Variants in STK11 observed in about 807,000 individuals in gnomAD.
The protein encoded by STK11 is serine/threonine kinase 11, also known as serine/threonine-protein kinase STK11.
STK11 carries 8 observed loss-of-function variants against 47.3 expected under a neutral mutation model. The observed-to-expected ratio is 0.17, with a 90% confidence interval of 0.10 to 0.31. STK11 has a LOEUF of 0.31. STK11 is among the 10% of genes least tolerant of loss of function. The pLI, the probability that STK11 is intolerant of heterozygous loss-of-function variation, is 1.00. For synonymous variants in STK11, 330 were observed against 255.8 expected (o/e 1.29, Z -2.77); for missense variants, 475 against 605.0 (o/e 0.79, Z 2.25).
intron 1 of STK11, chr19:1,216,132 T>G (rs913936915): frequency 6.4e-6 from 1 of 155,940 alleles, no homozygotes; most frequent in African/African-American, 2.4e-5. Context: ...TACAACTCAT[T>G]CGTTCACAGT....
intron 1 of STK11, among the ~76,000 whole-genome samples, chr19:1,213,585 C>T (rs1000284683): frequency 2.0e-5 from 3 of 152,240 alleles, no homozygotes; most frequent in Admixed American, 6.5e-5. Context: ...GCATCCGCGC[C>T]GTGGCCTGGG....
At chr19:1,217,606 G>A (rs1298055103) in intron 1 of STK11, among the ~76,000 whole-genome samples, 3 of 152,192 alleles carry the variant, frequency 2.0e-5, no homozygotes, top group Non-Finnish European at 4.4e-5. Context: ...TGACAGGCGG[G>A]TGGGTGTGGC....
At chr19:1,221,842 T>A in intron 6 of STK11, 107 bp from the exon 7 acceptor site, 1 of 1,348,868 alleles carries the variant, frequency 7.4e-7, no homozygotes, top group Non-Finnish European at 1.0e-6. Flanking sequence ...CTTAGGAGCG[T>A]CCAGGTATCA....
rs973142127 is a variant in STK11 at position 1,218,397 on chromosome 19, C to A, written c.291-20C>A. The A allele has an allele frequency of 6.2e-7, 1 of 1,609,166 alleles. No individual in the cohort carries two copies. Among genetic ancestry groups the A allele is most frequent in the Non-Finnish European group, 8.5e-7 (1 of 1,175,828 alleles). On this transcript the variant is annotated intron_variant, in intron 1 of 9. Transcript: ENST00000326873. ...CCTGACGTTGGGTCGGCTGATACAC[C>A]CCTGTCCTCTCTGTCCCAGGGAAAT...
intron 1 of STK11, chr19:1,216,191 C>T (rs1164364443): frequency 6.2e-6 from 1 of 161,502 alleles, no homozygotes; most frequent in East Asian, 1.4e-4. Context: ...GCAACCACTA[C>T]TTCTAATTCC....
intron 5 of STK11, 112 bp downstream of exon 5, chr19:1,220,829 C>G (rs912490580): frequency 5.5e-6 from 8 of 1,456,442 alleles, no homozygotes; most frequent in Middle Eastern, 5.2e-4. Context: ...CCCAGACCCT[C>G]TCTGGCCACA....
In STK11 at chr19:1,220,360, G is replaced by A. The variant is rs1165060649; in HGVS notation, c.465-13G>A. ...GAGGCCTCGGCCCCAGGACGGGTGT[G>A]TGCTGCCCGCAGGTACTTCTGTCAG... On this transcript the variant is annotated splice_polypyrimidine_tract_variant and intron_variant, in intron 3 of 9. Transcript: ENST00000326873. 1 of 1,594,620 alleles carries A rather than the reference G, an allele frequency of 6.3e-7. No homozygotes were observed. Among genetic ancestry groups the A allele is most frequent in the East Asian group, 2.3e-5 (1 of 44,114 alleles).
In STK11 at chr19:1,206,800, T is replaced by C. The variant is rs1467320355; in HGVS notation, c.-114T>C. Reference sequence around the variant, plus strand: ...TTCCTTTTGGGGTTTTTGTTGCCTTTTTTTTTTCTTTTTTCTTTGTAAAAT... The same window carrying C: ...TTCCTTTTGGGGTTTTTGTTGCCTTCTTTTTTTCTTTTTTCTTTGTAAAAT... On this transcript the variant is annotated 5_prime_UTR_variant, in exon 1 of 10. Transcript: ENST00000326873. The C allele has an allele frequency of 2.2e-6, 3 of 1,356,972 alleles. No homozygotes were observed. Among genetic ancestry groups the C allele is most frequent in the African/African-American group, 1.5e-5 (1 of 68,108 alleles). The allele number at this position is 1,356,972 out of a possible 1,614,324, so 84.1% of individuals were successfully genotyped here.
rs1185729369 is a variant in STK11, at chr19:1,226,606, A to C, written c.1261A>C (p.Ser421Arg). Residue 421 changes from serine to arginine, a missense_variant, in exon 9 of 10, where the codon AGC (serine) becomes CGC (arginine). This residue lies in a region of STK11 where 219 missense variants were observed against 189.2 expected (regional missense o/e 1.16). Coordinates refer to ENST00000326873, the MANE Select transcript of STK11 (RefSeq NM_000455.5). ...PNPARKACSA[S>R]SKIRRLSACK... ...CCCTGCCCGCAAGGCCTGCTCCGCC[A>C]GCAGCAAGATCCGCCGGCTGTCGGC... 17 of 1,561,932 alleles carry C rather than the reference A, an allele frequency of 1.1e-5. No individual in the cohort carries two copies. Among genetic ancestry groups the C allele is most frequent in the Non-Finnish European group, 1.4e-5 (16 of 1,155,050 alleles).
At chr19:1,213,985 C>T (rs2080728813) in intron 1 of STK11, among the ~76,000 whole-genome samples, 1 of 152,250 alleles carries the variant, frequency 6.6e-6, no homozygotes, top group Non-Finnish European at 1.5e-5. Context: ...TATGACTCTC[C>T]TTCCTATTTC....
At chr19:1,211,523 T>A (rs1053171710) in intron 1 of STK11, among the ~76,000 whole-genome samples, 49 of 150,792 alleles carry the variant, frequency 3.2e-4, no homozygotes, top group Non-Finnish European at 5.8e-4. Context: ...CCAGTGAGAG[T>A]GGGCTCGAAG....
At chr19:1,219,434 CCAGGGTGGGG>C in intron 3 of STK11, 21 bp downstream of exon 3, 3 of 1,180,162 alleles carry the variant, frequency 2.5e-6, no homozygotes, top group Non-Finnish European at 3.5e-6. Flanking sequence ...GGGGCAGGGG[CCAGGGTGGGG>C]CGGGGGCCGG....
intron 1 of STK11, among the ~76,000 whole-genome samples, chr19:1,211,547 C>T (rs1048029796): frequency 2.7e-5 from 4 of 149,328 alleles, no homozygotes; most frequent in Non-Finnish European, 4.5e-5. Context: ...GGGAGTCTGC[C>T]CGCCTTGTGG....
intron 1 of STK11, among the ~76,000 whole-genome samples, chr19:1,209,544 T>C (rs1234711270): frequency 2.6e-5 from 4 of 151,944 alleles, no homozygotes; most frequent in Non-Finnish European, 5.9e-5. Flanking sequence ...ATCGCACCAT[T>C]GCGCTCCAGC....
chr19:1,210,672 G>C (rs2080703610), intron 1 of STK11, among the ~76,000 whole-genome samples: 1 of 150,354 alleles, frequency 6.7e-6, no homozygotes, highest in Non-Finnish European at 1.5e-5. Context: ...GAGTTAGCCT[G>C]ACCAACATGG....
intron 1 of STK11, among the ~76,000 whole-genome samples, chr19:1,213,456 C>G (rs976783714): frequency 6.6e-6 from 1 of 152,228 alleles, no homozygotes; most frequent in Non-Finnish European, 1.5e-5. Flanking sequence ...GTCCCGGCAC[C>G]CACGCATTCC....
intron 1 of STK11, among the ~76,000 whole-genome samples, chr19:1,208,543 C>T (rs2080685541): frequency 6.8e-6 from 1 of 147,972 alleles, no homozygotes; most frequent in South Asian, 2.1e-4. Flanking sequence ...CTCCTGACCT[C>T]GTGATCCGCC....
chr19:1,215,722 TG>T (rs1214315952), intron 1 of STK11, among the ~76,000 whole-genome samples: 1 of 151,824 alleles, frequency 6.6e-6, no homozygotes, highest in Non-Finnish European at 1.5e-5. Flanking sequence ...GGCTGGGTCG[TG>T]GGATACCCCT....
intron 6 of STK11, chr19:1,221,639 T>C: frequency 1.7e-6 from 1 of 586,784 alleles, no homozygotes; most frequent in Non-Finnish European, 3.0e-6. Context: ...AGGGTTGTCC[T>C]GCTGCACTTC....
Sources: gnomAD v4.1 joint callset for allele counts (sites outside exome capture counted in the v4.1 genomes callset) on GRCh38, gnomAD v4.1.1 for gene constraint, gnomAD v4.1.1 regional missense constraint, MANE v1.5 for transcripts, NCBI Gene and HGNC (gene_info 2026-07-23, HGNC 2026-07-21) for gene names.